Variants in ARHGDIB observed in about 807,000 individuals in gnomAD.
ARHGDIB encodes the protein Rho GDP dissociation inhibitor beta.
ARHGDIB carries 20 observed loss-of-function variants against 22.6 expected under a neutral mutation model. The ratio of observed to expected loss-of-function variants is 0.88; its 90% CI spans 0.62 to 1.28. The LOEUF (loss-of-function observed/expected upper bound fraction) is 1.28. ARHGDIB is among the 50% of genes most tolerant of loss of function. The pLI, the probability that ARHGDIB is intolerant of heterozygous loss-of-function variation, is 0.00. For synonymous variants in ARHGDIB, 114 were observed against 96.1 expected (o/e 1.19, Z -1.09); for missense variants, 254 against 245.4 (o/e 1.04, Z -0.23).
chr12:14,953,568 A>AT (rs942474781), intron 1 of ARHGDIB, among the ~76,000 whole-genome samples: 8 of 151,624 alleles, frequency 5.3e-5, no homozygotes, highest in African/African-American at 1.5e-4. Flanking sequence ...TTGATTTCTT[A>AT]TTTTTTTTGG....
At chr12:14,954,032 A>G (rs1353982499) in intron 1 of ARHGDIB, among the ~76,000 whole-genome samples, 2 of 150,984 alleles carry the variant, frequency 1.3e-5, no homozygotes, top group Non-Finnish European at 2.9e-5. Flanking sequence ...AGGCTGGAGT[A>G]CAGTGGCTCT....
rs1466524621 is a variant in ARHGDIB at position 14,942,677 on chromosome 12, C to T, written c.451G>A (p.Glu151Lys). 6.2e-7 allele frequency: 1 copy of T among 1,614,144 alleles called. No individual in the cohort carries two copies. Among genetic ancestry groups the T allele is most frequent in the Non-Finnish European group, 8.5e-7 (1 of 1,180,010 alleles). Reference protein sequence around the residue: ...FMVGSYGPRPEEYEFLTPVEE... With the variant: ...FMVGSYGPRPKEYEFLTPVEE... Reference sequence around the variant, plus strand: ...ACTGGAGTGAGGAACTCATACTCCTCAGGCCGAGGTCCATAGCTGCCAACC... The same window carrying T: ...ACTGGAGTGAGGAACTCATACTCCTTAGGCCGAGGTCCATAGCTGCCAACC... Residue 151 changes from glutamate (E) to lysine (K), a missense_variant, in exon 6 of 6, where the codon GAG becomes AAG. By Grantham distance (56) the Glu-to-Lys change is moderately conservative. Transcript: ENST00000228945.
chr12:14,950,489 T>C, intron 2 of ARHGDIB, 43 bp downstream of exon 2: 2 of 1,546,318 alleles, frequency 1.3e-6, no homozygotes, highest in Non-Finnish European at 8.7e-7. Context: ...TCTTCTTCCC[T>C]CTCAGCGATC....
intron 1 of ARHGDIB, among the ~76,000 whole-genome samples, chr12:14,953,835 CTCTCTT>C (rs1270680593): frequency 2.0e-5 from 3 of 149,922 alleles, no homozygotes; most frequent in South Asian, 4.2e-4. Flanking sequence ...CTCTCTCTCT[CTCTCTT>C]TCTCTTTCTC....
chr12:14,949,765 TA>T, intron 3 of ARHGDIB, 36 bp downstream of exon 3: 1 of 1,598,108 alleles, frequency 6.3e-7, no homozygotes, highest in Non-Finnish European at 8.6e-7. Context: ...TGTGATATCT[TA>T]GGCCCCCTTT....
At chr12:14,943,696 A>T (rs1453887771) in intron 5 of ARHGDIB, among the ~76,000 whole-genome samples, 4 of 152,206 alleles carry the variant, frequency 2.6e-5, no homozygotes, top group African/African-American at 9.6e-5. Context: ...GAACTAGGAC[A>T]AATGGTGAAA....
rs755363259 is a variant in ARHGDIB, at chr12:14,954,225, C to T, written c.-12-3501G>A. ...AACACCTGAGCTCAAGAGATCCACC[C>T]GCCTTGGCCTCCCAAAGTGCTGGGA... On this transcript the variant is annotated intron_variant, in intron 1 of 5. Coordinates refer to ENST00000228945, the MANE Select transcript of ARHGDIB (RefSeq NM_001175.7). Among the ~76,000 whole-genome samples, 3 of 152,164 alleles carry T rather than the reference C, an allele frequency of 2.0e-5. 1 individual carries two copies. The Middle Eastern group carries it at 9.5e-3, about 482-fold the overall frequency.
At chr12:14,948,776 T>A in intron 3 of ARHGDIB, 1 of 152,342 alleles carries the variant, frequency 6.6e-6, no homozygotes. Context: ...ATTCAGACCT[T>A]ATCTTGCAAA....
At chr12:14,944,904 T>G (rs1651502222) in intron 4 of ARHGDIB, 65 bp from the exon 5 acceptor site, 3 of 1,394,654 alleles carry the variant, frequency 2.2e-6, no homozygotes, top group Non-Finnish European at 3.0e-6. Context: ...TCATCTTTCA[T>G]GCTGATCCTG....
At chr12:14,957,664 A>G (rs1282554394) in intron 1 of ARHGDIB, among the ~76,000 whole-genome samples, 1 of 152,224 alleles carries the variant, frequency 6.6e-6, no homozygotes, top group African/African-American at 2.4e-5. Context: ...GTCAGTGAAC[A>G]CAGGCACAGC....
chr12:14,953,627 T>C (rs1864230840), intron 1 of ARHGDIB, among the ~76,000 whole-genome samples: 1 of 139,770 alleles, frequency 7.2e-6, no homozygotes, highest in African/African-American at 2.6e-5. Context: ...ATGGTAATTA[T>C]CTCAAGGAAA....
At chr12:14,952,183 C>A (rs1864192012) in intron 1 of ARHGDIB, among the ~76,000 whole-genome samples, 1 of 148,100 alleles carries the variant, frequency 6.8e-6, no homozygotes, top group Non-Finnish European at 1.5e-5. Flanking sequence ...TGGCCAAAAT[C>A]AGTTCTAGTT....
chr12:14,953,926 T>TTCC lies in ARHGDIB; in HGVS notation c.-12-3203_-12-3202insGGA, dbSNP rs1565464253. ...TTTCTTTCTCTCTCTCTCTCCCTTC[T>TTCC]TTCCTTCCTTCCTTCCTTCCTTTCT... On this transcript the variant is annotated intron_variant, in intron 1 of 5. Coordinates refer to ENST00000228945, the MANE Select transcript of ARHGDIB (RefSeq NM_001175.7). 7.0e-4 allele frequency among the ~76,000 whole-genome samples: 105 copies of TTCC among 150,598 alleles called. 1 individual carries two copies. Among genetic ancestry groups the TTCC allele is most frequent in the African/African-American group, 1.6e-3 (65 of 40,884 alleles).
Position 14,942,643 on chromosome 12 carries a change from G to C in ARHGDIB, c.485C>G (p.Ala162Gly). Reference sequence around the variant, plus strand: ...GCCTCGCGCCAGCATGCCCTTGGGAGCCTCCTCAACTGGAGTGAGGAACTC... The same window carrying C: ...GCCTCGCGCCAGCATGCCCTTGGGACCCTCCTCAACTGGAGTGAGGAACTC... ...EYEFLTPVEE[A>G]PKGMLARGTY... The change falls in exon 6 of 6, where the codon GCT becomes GGT. Residue 162 changes from alanine (A) to glycine (G), a missense_variant. Physicochemically the swap from Ala to Gly is moderately conservative, Grantham distance 60. Transcript: ENST00000228945. The C allele has an allele frequency of 6.2e-7, 1 of 1,614,120 alleles. No homozygotes were observed. Among genetic ancestry groups the C allele is most frequent in the Non-Finnish European group, 8.5e-7 (1 of 1,179,992 alleles).
chr12:14,950,399 T>C, intron 2 of ARHGDIB, 133 bp downstream of exon 2: 1 of 749,830 alleles, frequency 1.3e-6, no homozygotes. Context: ...AATCAGCATA[T>C]ATAAATTGTG....
At chr12:14,953,920 C>T (rs1864241164) in intron 1 of ARHGDIB, among the ~76,000 whole-genome samples, 1 of 150,062 alleles carries the variant, frequency 6.7e-6, no homozygotes, top group African/African-American at 2.5e-5. Flanking sequence ...CTCTCTCTCT[C>T]CCTTCTTTCC....
At chr12:14,947,574 C>T (rs1338183808) in intron 4 of ARHGDIB, 2 of 276,518 alleles carry the variant, frequency 7.2e-6, no homozygotes, top group African/African-American at 2.2e-5. Context: ...AGAAATGACA[C>T]AGGTGGTACA....
At chr12:14,947,094 C>G (rs1864035386) in intron 4 of ARHGDIB, among the ~76,000 whole-genome samples, 1 of 152,168 alleles carries the variant, frequency 6.6e-6, no homozygotes, top group Non-Finnish European at 1.5e-5. Context: ...TGGAGTCTTC[C>G]TTGGTGGAGC....
intron 1 of ARHGDIB, among the ~76,000 whole-genome samples, chr12:14,954,146 T>A (rs1296962678): frequency 1.3e-5 from 2 of 152,012 alleles, no homozygotes; most frequent in Non-Finnish European, 2.9e-5. Flanking sequence ...CCTGGCTAAT[T>A]TTTTGTAGTT....
Sources: allele counts gnomAD v4.1 joint callset (sites outside exome capture counted in the v4.1 genomes callset), GRCh38; gene constraint gnomAD v4.1.1; transcripts MANE v1.5; gene names NCBI Gene and HGNC (gene_info 2026-07-23, HGNC 2026-07-21).